The following NRXN3 variants were observed in gnomAD, a reference collection of about 807,000 sequenced individuals.
The protein encoded by NRXN3 is neurexin 3.
NRXN3 carries 32 observed loss-of-function variants against 137.6 expected under a neutral mutation model. That is an observed-to-expected ratio of 0.23 (90% CI 0.18 to 0.31). NRXN3 has a LOEUF of 0.31. Ranked by LOEUF, NRXN3 falls within the 10% of genes least tolerant of loss-of-function variation. The probability of loss-of-function intolerance (pLI) is 1.00; values close to 1 mark genes in which losing one functional copy is unlikely to be tolerated. For missense variants in NRXN3, 1,574 were observed against 2,062.5 expected (o/e 0.76, Z 4.59); for synonymous variants, 798 against 784.5 (o/e 1.02, Z -0.29).
intron 4 of NRXN3, among the ~76,000 whole-genome samples, chr14:78,600,949 G>A (rs979064959): frequency 6.6e-6 from 1 of 152,010 alleles, no homozygotes; most frequent in Non-Finnish European, 1.5e-5. Flanking sequence ...CTTTTACCAC[G>A]AATCTGTCAC....
chr14:79,253,606 A>G (rs1173734998), intron 15 of NRXN3, among the ~76,000 whole-genome samples: 1 of 152,202 alleles, frequency 6.6e-6, no homozygotes, highest in African/African-American at 2.4e-5. Flanking sequence ...TCACAGTTCC[A>G]CATGTCTGGG....
At chr14:79,357,069 A>G (rs767140403) in intron 15 of NRXN3, among the ~76,000 whole-genome samples, 2 of 152,154 alleles carry the variant, frequency 1.3e-5, no homozygotes, top group Admixed American at 6.5e-5. Flanking sequence ...GAAAGATATA[A>G]AATGTGTTAA....
intron 16 of NRXN3, among the ~76,000 whole-genome samples, chr14:79,662,015 C>T (rs1289968314): frequency 6.6e-6 from 1 of 152,120 alleles, no homozygotes; most frequent in African/African-American, 2.4e-5. Flanking sequence ...AGTGAGTTCT[C>T]ATGATATCTG....
intron 15 of NRXN3, among the ~76,000 whole-genome samples, chr14:79,363,174 A>G (rs2093749064): frequency 6.6e-6 from 1 of 151,974 alleles, no homozygotes; most frequent in Non-Finnish European, 1.5e-5. Context: ...CTAATTTTGT[A>G]TTTTTAGTAG....
rs190848190 is a variant in NRXN3, at chr14:79,242,324, C to G, written c.3263-224897C>G. Reference sequence around the variant, plus strand: ...AAGTTAGTGTATGAAGTAGGCAAGCCAGATCTGAGGCCAAGCTAAGGGCAG... The same window carrying G: ...AAGTTAGTGTATGAAGTAGGCAAGCGAGATCTGAGGCCAAGCTAAGGGCAG... On this transcript the variant is annotated intron_variant, in intron 15 of 20. Coordinates refer to ENST00000335750, the MANE Select transcript of NRXN3 (RefSeq NM_001330195.2). Among the ~76,000 whole-genome samples, 218 of 152,152 alleles carry G rather than the reference C, an allele frequency of 1.4e-3. 1 individual carries two copies. The highest frequency in any genetic ancestry group is 0.01 in the Middle Eastern group (3 of 294).
chr14:78,896,033 T>G (rs1207256405), intron 10 of NRXN3, among the ~76,000 whole-genome samples: 1 of 151,958 alleles, frequency 6.6e-6, no homozygotes, highest in Non-Finnish European at 1.5e-5. Context: ...CAAAATGTGA[T>G]GTAGTGACAT....
intron 16 of NRXN3, among the ~76,000 whole-genome samples, chr14:79,572,041 G>T (rs1289267982): frequency 6.6e-6 from 1 of 152,022 alleles, no homozygotes; most frequent in Non-Finnish European, 1.5e-5. Context: ...TGAGTCCTGA[G>T]GATGGTTATA....
intron 1 of NRXN3, among the ~76,000 whole-genome samples, chr14:78,186,222 C>G (rs1168740841): frequency 1.3e-5 from 2 of 152,198 alleles, no homozygotes; most frequent in African/African-American, 2.4e-5. Flanking sequence ...CCCAGCCAGT[C>G]TTCGTTGGTC....
intron 15 of NRXN3, among the ~76,000 whole-genome samples, chr14:79,197,933 G>C (rs2065363347): frequency 6.6e-6 from 1 of 152,070 alleles, no homozygotes; most frequent in Non-Finnish European, 1.5e-5. Context: ...TAAATCATTT[G>C]TTGTGATTTC....
intron 15 of NRXN3, among the ~76,000 whole-genome samples, chr14:79,123,042 T>C (rs1194299769): frequency 6.6e-6 from 1 of 152,150 alleles, no homozygotes; most frequent in East Asian, 1.9e-4. Context: ...TATTTTTCAA[T>C]TCATCTTCAG....
chr14:78,545,957 A>T (rs1483863166), intron 4 of NRXN3, among the ~76,000 whole-genome samples: 1 of 152,196 alleles, frequency 6.6e-6, no homozygotes, highest in Non-Finnish European at 1.5e-5. Flanking sequence ...ATGATATGTT[A>T]TATATGTGGT....
At chr14:78,239,144 A>G (rs1198179513) in intron 1 of NRXN3, among the ~76,000 whole-genome samples, 1 of 152,332 alleles carries the variant, frequency 6.6e-6, no homozygotes, top group East Asian at 1.9e-4. Context: ...TGTTCATTCT[A>G]TCTACAAGTG....
rs568694871 is a variant in NRXN3, at chr14:79,574,626, C to G, written c.3445-89152C>G. Among the ~76,000 whole-genome samples, 3 of 152,212 alleles carry G rather than the reference C, an allele frequency of 2.0e-5. No homozygotes were observed. The South Asian group carries it at 6.2e-4, about 32-fold the overall frequency. ...CTCTCCACAGAGCTGCTTGAGTATC[C>G]TCAGACGTGGTGGCTGGCTTTACCC... On this transcript the variant is annotated intron_variant, in intron 16 of 20. Transcript: ENST00000335750.
chr14:78,680,872 T>TA (rs2098067608), intron 6 of NRXN3, among the ~76,000 whole-genome samples: 1 of 152,160 alleles, frequency 6.6e-6, no homozygotes, highest in African/African-American at 2.4e-5. Flanking sequence ...CCTAAATTGA[T>TA]ACCCTGATAT....
intron 10 of NRXN3, among the ~76,000 whole-genome samples, chr14:78,861,003 G>A (rs1031523196): frequency 2.6e-5 from 4 of 152,042 alleles, no homozygotes; most frequent in South Asian, 2.1e-4. Context: ...TGCCATTACC[G>A]TATTCTGAGT....
chr14:79,602,822 C>G (rs984415017), intron 16 of NRXN3, among the ~76,000 whole-genome samples: 1 of 151,100 alleles, frequency 6.6e-6, no homozygotes, highest in Non-Finnish European at 1.5e-5. Flanking sequence ...ATTTATAATT[C>G]TGGAATGATT....
At chr14:79,274,585 T>C (rs2079969361) in intron 15 of NRXN3, among the ~76,000 whole-genome samples, 1 of 150,684 alleles carries the variant, frequency 6.6e-6, no homozygotes, top group Non-Finnish European at 1.5e-5. Flanking sequence ...AATCTCTCTA[T>C]GAGAAACTAA....
intron 17 of NRXN3, among the ~76,000 whole-genome samples, chr14:79,675,900 T>TA (rs1316203818): frequency 2.0e-5 from 3 of 152,036 alleles, no homozygotes; most frequent in South Asian, 2.1e-4. Context: ...CCCTCTCTCC[T>TA]AAAAAAATAG....
intron 15 of NRXN3, among the ~76,000 whole-genome samples, chr14:79,239,326 A>C (rs1273266080): frequency 6.6e-6 from 1 of 152,092 alleles, no homozygotes; most frequent in African/African-American, 2.4e-5. Context: ...GAGAAGGGGG[A>C]ACTACTGTAC....
Sources: allele counts gnomAD v4.1 joint callset (sites outside exome capture counted in the v4.1 genomes callset), GRCh38; gene constraint gnomAD v4.1.1; transcripts MANE v1.5; gene names NCBI Gene and HGNC (gene_info 2026-07-23, HGNC 2026-07-21).